The following COL28A1 variants were observed in gnomAD, a reference collection of about 807,000 sequenced individuals.
COL28A1 encodes the protein collagen alpha-1(XXVIII) chain.
In COL28A1, 161 loss-of-function variants were observed where a neutral mutation model predicts 150.2. That is an observed-to-expected ratio of 1.07 (90% confidence interval 0.94 to 1.22). COL28A1 has a LOEUF of 1.22. Among genes scored for constraint, COL28A1 ranks in the 50% most tolerant of loss-of-function variants. The pLI is 0.00. For missense variants in COL28A1, 1,617 were observed against 1,388.3 expected (o/e 1.16, Z -2.62); for synonymous variants, 552 against 469.7 (o/e 1.18, Z -2.26).
chr7:7,501,848 G>A (rs1780544624), intron 11 of COL28A1, among the ~76,000 whole-genome samples: 1 of 152,108 alleles, frequency 6.6e-6, no homozygotes, highest in Admixed American at 6.5e-5. Context: ...GGCTTCTTGG[G>A]CACTTGTGTG....
intron 13 of COL28A1, among the ~76,000 whole-genome samples, chr7:7,483,014 A>T (rs941226107): frequency 6.6e-6 from 1 of 152,210 alleles, no homozygotes; most frequent in African/African-American, 2.4e-5. Flanking sequence ...CAGAATTATA[A>T]CTGAGAGACT....
chr7:7,352,887 A>C (rs1236591066), downstream of COL28A1, among the ~76,000 whole-genome samples: 1 of 152,216 alleles, frequency 6.6e-6, no homozygotes, highest in Non-Finnish European at 1.5e-5. Context: ...GGCATAAGCC[A>C]AGGGCTTTGG....
intron 27 of COL28A1, among the ~76,000 whole-genome samples, chr7:7,388,823 T>A (rs906182058): frequency 6.6e-6 from 1 of 152,244 alleles, no homozygotes; most frequent in Non-Finnish European, 1.5e-5. Flanking sequence ...TGTCTGTTCA[T>A]ATCCTTCACC....
chr7:7,471,125 T>TAAAAAAAAAAAAA (rs746981344), intron 15 of COL28A1, among the ~76,000 whole-genome samples: 6 of 88,516 alleles, frequency 6.8e-5, no homozygotes, highest in African/African-American at 1.2e-4. Flanking sequence ...AAAAAATAAT[T>TAAAAAAAAAAAAA]AAAAAAAAAA....
At chr7:7,514,203 CT>C in intron 8 of COL28A1, among the ~76,000 whole-genome samples, 1 of 152,306 alleles carries the variant, frequency 6.6e-6, no homozygotes, top group African/African-American at 2.4e-5. Context: ...TTTTCCTCAA[CT>C]ATACACACAG....
At chr7:7,533,007 C>T (rs1782456405) in intron 1 of COL28A1, 95 bp from the exon 2 acceptor site, 2 of 1,258,174 alleles carry the variant, frequency 1.6e-6, no homozygotes, top group South Asian at 2.6e-5. Flanking sequence ...TGGCATGTGA[C>T]TGGAAAAAAG....
chr7:7,520,042 A>G lies in COL28A1; in HGVS notation c.813+20T>C. The G allele has an allele frequency of 3.4e-6, 4 of 1,178,394 alleles. No individual in the cohort carries two copies. Among genetic ancestry groups the G allele is most frequent in the Non-Finnish European group, 5.1e-6 (4 of 787,122 alleles). The allele number at this position is 1,178,394 out of a possible 1,614,324, so 73.0% of individuals were successfully genotyped here. A position where few individuals can be genotyped will look rare whatever the true frequency, so the allele number is the denominator to read the frequency against. On this transcript the variant is annotated intron_variant, in intron 6 of 34. Transcript: ENST00000399429. ...AGAAGGAGATACGCTGGTTTAAAGA[A>G]AAGCTGTTTATTCATTTACCGGGTT...
chr7:7,377,103 G>C (rs1326316185), intron 30 of COL28A1, among the ~76,000 whole-genome samples: 1 of 152,064 alleles, frequency 6.6e-6, no homozygotes, highest in African/African-American at 2.4e-5. Flanking sequence ...TATGTTCTTT[G>C]TCTTATCTTT....
At chr7:7,387,287 G>T (rs1161059843) in intron 27 of COL28A1, among the ~76,000 whole-genome samples, 1 of 152,066 alleles carries the variant, frequency 6.6e-6, no homozygotes, top group Non-Finnish European at 1.5e-5. Context: ...CCTCGTACGG[G>T]TTTGCTGGAA....
intron 18 of COL28A1, among the ~76,000 whole-genome samples, chr7:7,444,862 T>C (rs1315465545): frequency 1.3e-5 from 2 of 152,198 alleles, no homozygotes; most frequent in Non-Finnish European, 2.9e-5. Flanking sequence ...CAAATCTTAT[T>C]TGAATTGTAA....
At chr7:7,505,487 G>T (rs151298683) in intron 11 of COL28A1, among the ~76,000 whole-genome samples, 2 of 152,170 alleles carry the variant, frequency 1.3e-5, no homozygotes, top group African/African-American at 2.4e-5. Context: ...TTTGTTCTGC[G>T]TGGCTTGTAT....
chr7:7,500,961 G>C (rs954958344), intron 11 of COL28A1, among the ~76,000 whole-genome samples: 9 of 152,102 alleles, frequency 5.9e-5, no homozygotes, highest in East Asian at 1.9e-4. Flanking sequence ...CTTCAAACAT[G>C]GTTGTAGTTC....
At chr7:7,510,095 A>G (rs1781041390) in intron 9 of COL28A1, among the ~76,000 whole-genome samples, 1 of 152,142 alleles carries the variant, frequency 6.6e-6, no homozygotes, top group Non-Finnish European at 1.5e-5. Context: ...AGAAACTGAA[A>G]AAGTTTGGTA....
intron 6 of COL28A1, among the ~76,000 whole-genome samples, chr7:7,519,693 T>TA (rs2115188638): frequency 6.6e-6 from 1 of 152,246 alleles, no homozygotes; most frequent in African/African-American, 2.4e-5. Flanking sequence ...AGTTAATCAT[T>TA]AAAAGTATAC....
chr7:7,460,524 C>G (rs1787522714), intron 15 of COL28A1, among the ~76,000 whole-genome samples: 1 of 152,112 alleles, frequency 6.6e-6, no homozygotes, highest in South Asian at 2.1e-4. Flanking sequence ...GCTGGGACTA[C>G]AGGCGCCTGC....
Position 7,531,616 on chromosome 7 carries a change from G to A in COL28A1, c.413C>T (p.Ser138Phe), listed in dbSNP as rs756629673. 84 of 1,606,888 alleles carry A rather than the reference G, an allele frequency of 5.2e-5. No homozygotes were observed. Among genetic ancestry groups the A allele is most frequent in the Non-Finnish European group, 7.1e-5 (83 of 1,173,482 alleles). ...GQGTFSYYAISNATRLLKREG... is the reference protein window; with the variant it reads ...GQGTFSYYAIFNATRLLKREG... ...TCTCTTAAGTAGCCTAGTGGCATTG[G>A]AAATGGCATAATAAGAGAAGGTACC... is the stretch of plus-strand genomic sequence containing the variant. Residue 138 changes from serine to phenylalanine, a missense_variant, in exon 3 of 35, where the codon TCC becomes TTC. Transcript: ENST00000399429.
intron 25 of COL28A1, among the ~76,000 whole-genome samples, chr7:7,430,135 C>CT (rs1002412825): frequency 8.6e-5 from 13 of 151,054 alleles, no homozygotes; most frequent in South Asian, 2.1e-4. Context: ...TTTTTATGTT[C>CT]TTTTTTTTTG....
At position 7,373,428 on chromosome 7, in the gene COL28A1, G is replaced by C. The variant is rs555004418; in HGVS notation, c.2478C>G (p.Asp826Glu). The C allele has an allele frequency of 3.7e-6, 6 of 1,614,092 alleles. No homozygotes were observed. The African/African-American group carries it at 8.0e-5, about 22-fold the overall frequency. The change falls in exon 32 of 35, where the codon GAC (aspartate) becomes GAG (glutamate). Residue 826 changes from aspartate to glutamate, a missense_variant. Physicochemically the swap from Asp to Glu is conservative, Grantham distance 45. Transcript: ENST00000399429. This position sits in a 1 kb window ranked among gnomAD's most constrained non-coding sequence, Gnocchi z 4.1. ...IIKNFVKTMADRVALDLATAR... is the reference protein window; with the variant it reads ...IIKNFVKTMAERVALDLATAR... ...CCGTGGCAAGGTCCAGAGCAACCCG[G>C]TCAGCCATAGTCTTCACAAAATTTT... is the stretch of plus-strand genomic sequence containing the variant.
At chr7:7,412,629 T>C (rs1783854361) in intron 27 of COL28A1, among the ~76,000 whole-genome samples, 3 of 152,096 alleles carry the variant, frequency 2.0e-5, no homozygotes, top group South Asian at 2.1e-4. Flanking sequence ...ATTTCAATCA[T>C]TCCTCACAAC....
Sources: gnomAD v4.1 joint callset for allele counts (sites outside exome capture counted in the v4.1 genomes callset) on GRCh38, gnomAD v4.1.1 for gene constraint, Gnocchi (gnomAD v3.1) non-coding constraint, MANE v1.5 for transcripts, NCBI Gene and HGNC (gene_info 2026-07-23, HGNC 2026-07-21) for gene names.